The following HMGCLL1 variants were observed in gnomAD, a reference collection of about 807,000 sequenced individuals.
HMGCLL1 encodes the protein 3-hydroxy-3-methylglutaryl-CoA lyase like 1.
A neutral mutation model predicts 39.1 loss-of-function variants in HMGCLL1; 36 were observed. That is an observed-to-expected ratio of 0.92 (90% confidence interval 0.71 to 1.22). The LOEUF (loss-of-function observed/expected upper bound fraction) is 1.22. Among genes scored for constraint, HMGCLL1 ranks in the 50% most tolerant of loss-of-function variants. The pLI is 0.00. For missense variants in HMGCLL1, 451 were observed against 416.5 expected (o/e 1.08, Z -0.72); for synonymous variants, 149 against 144.0 (o/e 1.03, Z -0.25).
chr6:55,534,993 A>G (rs1180010925), intron 3 of HMGCLL1, among the ~76,000 whole-genome samples: 4 of 152,210 alleles, frequency 2.6e-5, no homozygotes, highest in East Asian at 1.9e-4. Context: ...AAGTACTGGG[A>G]AAAAAATGAG....
At chr6:55,474,354 T>C (rs774848694) in intron 7 of HMGCLL1, among the ~76,000 whole-genome samples, 2 of 151,750 alleles carry the variant, frequency 1.3e-5, no homozygotes, top group East Asian at 1.9e-4. Context: ...TTATGAAGTG[T>C]CTACTGACAT....
chr6:55,491,829 C>T (rs942523178), intron 7 of HMGCLL1, among the ~76,000 whole-genome samples: 1 of 151,902 alleles, frequency 6.6e-6, no homozygotes, highest in South Asian at 2.1e-4. Flanking sequence ...ACACTGGGAT[C>T]GACATGCTCA....
At chr6:55,661,908 TCTC>T in the HMGCLL1 span, among the ~76,000 whole-genome samples, 3 of 151,908 alleles carry the variant, frequency 2.0e-5, no homozygotes, top group Non-Finnish European at 4.4e-5. Flanking sequence ...GGTTTGTAGT[TCTC>T]CTTGTAGAGC....
the HMGCLL1 span, among the ~76,000 whole-genome samples, chr6:55,653,311 G>A: frequency 6.6e-6 from 1 of 151,888 alleles, no homozygotes; most frequent in Non-Finnish European, 1.5e-5. Context: ...AACACTCCAG[G>A]ACAAGAGCAA....
At chr6:55,491,795 GT>G (rs2127420836) in intron 7 of HMGCLL1, among the ~76,000 whole-genome samples, 1 of 151,978 alleles carries the variant, frequency 6.6e-6, no homozygotes, top group Admixed American at 6.6e-5. Flanking sequence ...TGCTCTTTTG[GT>G]TTTGAGGGAT....
intron 1 of HMGCLL1, among the ~76,000 whole-genome samples, chr6:55,565,749 G>T (rs1460958401): frequency 1.3e-5 from 2 of 151,970 alleles, no homozygotes; most frequent in Non-Finnish European, 2.9e-5. Context: ...ACATTTAGCA[G>T]AATTAAATTA....
chr6:55,515,894 T>C (rs932681277), intron 4 of HMGCLL1, among the ~76,000 whole-genome samples: 8 of 152,088 alleles, frequency 5.3e-5, no homozygotes, highest in African/African-American at 1.7e-4. Flanking sequence ...ATACCAGAAA[T>C]AGCTGCTGCA....
intron 1 of HMGCLL1, among the ~76,000 whole-genome samples, chr6:55,575,215 A>T (rs1357482408): frequency 6.6e-6 from 1 of 152,058 alleles, no homozygotes; most frequent in Non-Finnish European, 1.5e-5. Flanking sequence ...AGAATGAGCA[A>T]TTTCAACCTC....
the HMGCLL1 span, among the ~76,000 whole-genome samples, chr6:55,607,232 C>A: frequency 6.6e-6 from 1 of 152,076 alleles, no homozygotes; most frequent in Admixed American, 6.5e-5. Flanking sequence ...TTTGAGAAAG[C>A]AAATTTTGCA....
chr6:55,660,189 GACA>G, the HMGCLL1 span, among the ~76,000 whole-genome samples: 15 of 151,718 alleles, frequency 9.9e-5, no homozygotes, highest in Non-Finnish European at 1.9e-4. Context: ...GTTTCAGAAA[GACA>G]AGAAAAAGCC....
In HMGCLL1 at chr6:55,435,605, G is replaced by T; in HGVS notation, c.*57C>A. On this transcript the variant is annotated 3_prime_UTR_variant, in exon 9 of 9. Coordinates refer to ENST00000274901, the MANE Select transcript of HMGCLL1 (RefSeq NM_001042406.2). ...AGCAAGTTGGCATTAATGATTTTCA[G>T]ATGAGTATTGTAGCTGAAATTGATC... 1 of 931,768 alleles carries T rather than the reference G, an allele frequency of 1.1e-6. No homozygotes were observed. 57.7% of individuals were successfully genotyped at this position (931,768 alleles called of 1,614,324 possible).
chr6:55,567,903 C>T (rs374658895), intron 1 of HMGCLL1, among the ~76,000 whole-genome samples: 7 of 152,092 alleles, frequency 4.6e-5, no homozygotes, highest in East Asian at 1.9e-4. Context: ...CTCACAGCTC[C>T]GGTCCCTTCA....
At chr6:55,589,389 G>A in the HMGCLL1 span, among the ~76,000 whole-genome samples, 2 of 152,122 alleles carry the variant, frequency 1.3e-5, no homozygotes, top group Non-Finnish European at 2.9e-5. Context: ...ATTAGGTATT[G>A]ATGGGATGTA....
chr6:55,595,324 A>G, the HMGCLL1 span, among the ~76,000 whole-genome samples: 3 of 152,222 alleles, frequency 2.0e-5, no homozygotes, highest in East Asian at 5.8e-4. Context: ...AACGCTGTCA[A>G]ATTACATTTC....
chr6:55,545,705 C>G (rs1204465456), intron 1 of HMGCLL1, among the ~76,000 whole-genome samples: 2 of 151,904 alleles, frequency 1.3e-5, no homozygotes, highest in Non-Finnish European at 2.9e-5. Flanking sequence ...AGATAATGAG[C>G]TTATTTTTGA....
intron 1 of HMGCLL1, among the ~76,000 whole-genome samples, chr6:55,547,384 T>C (rs1467270495): frequency 6.6e-6 from 1 of 152,110 alleles, no homozygotes; most frequent in Admixed American, 6.6e-5. Flanking sequence ...ATGACTTCTA[T>C]ATATACAATC....
intron 5 of HMGCLL1, among the ~76,000 whole-genome samples, chr6:55,507,026 G>A (rs1401568514): frequency 6.6e-6 from 1 of 151,670 alleles, no homozygotes; most frequent in Non-Finnish European, 1.5e-5. Context: ...TTAAATTTGT[G>A]TGTGGAAGAC....
intron 1 of HMGCLL1, among the ~76,000 whole-genome samples, chr6:55,562,455 A>G (rs1183718984): frequency 2.0e-5 from 3 of 152,080 alleles, no homozygotes; most frequent in Non-Finnish European, 2.9e-5. Context: ...GAGTACTTCG[A>G]AAAAAATGAG....
chr6:55,585,566 T>C, the HMGCLL1 span, among the ~76,000 whole-genome samples: 1 of 152,134 alleles, frequency 6.6e-6, no homozygotes, highest in Admixed American at 6.6e-5. Flanking sequence ...TTTGAAACTG[T>C]ATCAAGTACT....
Sources: gnomAD v4.1 joint callset for allele counts (sites outside exome capture counted in the v4.1 genomes callset) on GRCh38, gnomAD v4.1.1 for gene constraint, MANE v1.5 for transcripts, NCBI Gene and HGNC (gene_info 2026-07-23, HGNC 2026-07-21) for gene names.